RREB1: variants seen among roughly 807,000 people sequenced by gnomAD.
RREB1 encodes ras responsive element binding protein 1.
In RREB1, 27 loss-of-function variants were observed where a neutral mutation model predicts 117.8. That is an observed-to-expected ratio of 0.23 (90% CI 0.17 to 0.32). RREB1 has a LOEUF of 0.32. Ranked by LOEUF, RREB1 falls within the 10% of genes least tolerant of loss-of-function variation. RREB1 has a pLI of 1.00. For missense variants in RREB1, 2,577 were observed against 2,378.2 expected, an observed-to-expected ratio of 1.08 and a Z score of -1.74; for synonymous variants, 1,298 against 1,026.7, an observed-to-expected ratio of 1.26 and a Z score of -5.05.
chr6:7,229,451 A>C lies in RREB1; in HGVS notation c.1352A>C (p.Asp451Ala). ...CAGAAGGGCTTCATCATCCAGCCTG[A>C]CAGCAGCATTGTGGTCAAGCCCATC... ...PFQKGFIIQP[D>A]SSIVVKPISG... Residue 451 changes from aspartate to alanine, a missense_variant, in exon 10 of 13, where the codon GAC becomes GCC. Asp to Ala is a moderately radical substitution (Grantham distance 126). Transcript: ENST00000379938. This position sits in a 1 kb window ranked among gnomAD's most constrained non-coding sequence, Gnocchi z 4.5. 1 of 1,614,136 alleles carries C rather than the reference A, an allele frequency of 6.2e-7. No homozygotes were observed. Among genetic ancestry groups the C allele is most frequent in the Non-Finnish European group, 8.5e-7 (1 of 1,180,012 alleles).
In RREB1 at chr6:7,230,634, G is replaced by C; in HGVS notation, c.2535G>C (p.Gly845=). The change falls in exon 10 of 13, where the codon GGG becomes GGC. Residue 845 remains glycine, a synonymous_variant. Coordinates refer to ENST00000379938, the MANE Select transcript of RREB1 (RefSeq NM_001003699.4). The stretch of plus-strand genomic sequence containing the variant: ...CGGCCGCTGAGGCGTCGGGGCGCGG[G>C]GAGGACAGTGGCTGCGCTGCCCTTG... The part of the protein sequence containing the change: ...EAPAAEASGR[G]EDSGCAALGD... 3 of 1,603,834 alleles carry C rather than the reference G, an allele frequency of 1.9e-6. No homozygotes were observed. The highest frequency in any genetic ancestry group is 2.6e-6 in the Non-Finnish European group (3 of 1,175,680).
chr6:7,191,595 C>T (rs1320619943), intron 6 of RREB1, among the ~76,000 whole-genome samples: 1 of 152,162 alleles, frequency 6.6e-6, no homozygotes, highest in Non-Finnish European at 1.5e-5. Flanking sequence ...AATACTAACT[C>T]GATCTATGAA....
intron 11 of RREB1, among the ~76,000 whole-genome samples, chr6:7,244,013 G>A (rs1206328370): frequency 6.6e-6 from 1 of 152,120 alleles, no homozygotes; most frequent in African/African-American, 2.4e-5. Context: ...TGTAATCCTA[G>A]CCCTTTTAGA....
intron 8 of RREB1, 48 bp downstream of exon 8, chr6:7,211,757 C>A (rs1168825823): frequency 4.4e-6 from 7 of 1,600,726 alleles, no homozygotes; most frequent in Non-Finnish European, 6.0e-6. Flanking sequence ...TTTCTCCTGG[C>A]ATGTGACAAT....
intron 10 of RREB1, among the ~76,000 whole-genome samples, chr6:7,236,749 AT>A (rs1471179686): frequency 1.5e-5 from 2 of 134,420 alleles, no homozygotes; most frequent in Non-Finnish European, 3.2e-5. Context: ...TTTTTTTTTT[AT>A]CTTGGAGGCC....
chr6:7,195,594 A>T (rs1293575798), intron 6 of RREB1, among the ~76,000 whole-genome samples: 1 of 152,248 alleles, frequency 6.6e-6, no homozygotes, highest in Non-Finnish European at 1.5e-5. Flanking sequence ...AAAGGAAATC[A>T]GTCGATCTGT....
intron 1 of RREB1, among the ~76,000 whole-genome samples, chr6:7,151,632 G>A (rs141953419): frequency 1.3e-5 from 2 of 152,354 alleles, no homozygotes; most frequent in Non-Finnish European, 2.9e-5. Context: ...AGTTGGTAGA[G>A]CTTAAAGGGG....
At chr6:7,122,810 G>A (rs1761734020) in intron 1 of RREB1, among the ~76,000 whole-genome samples, 1 of 150,716 alleles carries the variant, frequency 6.6e-6, no homozygotes, top group Non-Finnish European at 1.5e-5. Flanking sequence ...TGAGAAGTGT[G>A]TTATAAATAC....
chr6:7,141,643 T>G (rs1762597216), intron 1 of RREB1, among the ~76,000 whole-genome samples: 1 of 152,236 alleles, frequency 6.6e-6, no homozygotes, highest in Non-Finnish European at 1.5e-5. Flanking sequence ...TAAAAACATG[T>G]AGCAGGGTAT....
At chr6:7,217,850 A>G (rs1257594366) in intron 8 of RREB1, 2 of 152,208 alleles carry the variant, frequency 1.3e-5, no homozygotes, top group Non-Finnish European at 2.9e-5. Flanking sequence ...TCCCATTCCA[A>G]TGGAATTGAA....
At chr6:7,171,688 G>A (rs9505059) in intron 1 of RREB1, among the ~76,000 whole-genome samples, 4,271 of 152,300 alleles carry the variant, frequency 0.028, 192 homozygotes, top group African/African-American at 0.096. Context: ...TAGCCATGAT[G>A]AAGTGTGATG....
At chr6:7,123,432 G>A (rs1761766637) in intron 1 of RREB1, among the ~76,000 whole-genome samples, 1 of 152,120 alleles carries the variant, frequency 6.6e-6, no homozygotes, top group Non-Finnish European at 1.5e-5. Flanking sequence ...GAAGTGCTAG[G>A]ATTACAGGCG....
At chr6:7,211,774 A>C (rs1766622684) in intron 8 of RREB1, 65 bp downstream of exon 8, 1 of 1,544,552 alleles carries the variant, frequency 6.5e-7, no homozygotes, top group Non-Finnish European at 8.9e-7. Flanking sequence ...CAATGTTCTT[A>C]AGTCCCGTTA....
chr6:7,197,657 C>T (rs1235385151), intron 6 of RREB1, among the ~76,000 whole-genome samples: 2 of 152,204 alleles, frequency 1.3e-5, no homozygotes, highest in Non-Finnish European at 2.9e-5. Flanking sequence ...CAAAGCAAGA[C>T]TTTGCCTCAA....
At chr6:7,240,824 C>T (rs1399427813) in intron 11 of RREB1, among the ~76,000 whole-genome samples, 1 of 152,114 alleles carries the variant, frequency 6.6e-6, no homozygotes, top group African/African-American at 2.4e-5. Context: ...AAAACAGTGA[C>T]AGTGCCCCTC....
intron 6 of RREB1, among the ~76,000 whole-genome samples, chr6:7,192,198 G>A (rs1243994210): frequency 3.1e-5 from 3 of 96,816 alleles, no homozygotes; most frequent in African/African-American, 8.0e-5. Flanking sequence ...GTTGTTGTTC[G>A]TTTGTTTTTT....
chr6:7,222,401 C>T (rs1465904507), intron 8 of RREB1, among the ~76,000 whole-genome samples: 3 of 152,034 alleles, frequency 2.0e-5, no homozygotes, highest in African/African-American at 7.3e-5. Flanking sequence ...ATAAGTTGTC[C>T]AAGGTCACGC....
In RREB1 at chr6:7,248,617, C is replaced by G; in HGVS notation, c.4878C>G (p.His1626Gln). 1 of 1,614,246 alleles carries G rather than the reference C, an allele frequency of 6.2e-7. No individual in the cohort carries two copies. The highest frequency in any genetic ancestry group is 8.5e-7 in the Non-Finnish European group (1 of 1,180,050). The change falls in exon 13 of 13, where the codon CAC becomes CAG. Residue 1626 changes from histidine to glutamine, a missense_variant. Physicochemically the swap from His to Gln is conservative, Grantham distance 24. Coordinates refer to ENST00000379938, the MANE Select transcript of RREB1 (RefSeq NM_001003699.4). Reference sequence around the variant, plus strand: ...AGAAAGCCAGGCATGCCAAACACCACGGGAAGGACAGCGACAAGGAAGAGC... The same window carrying G: ...AGAAAGCCAGGCATGCCAAACACCAGGGGAAGGACAGCGACAAGGAAGAGC... ...IHQKARHAKH[H>Q]GKDSDKEERG...
chr6:7,202,392 T>C (rs1367620300), intron 6 of RREB1, among the ~76,000 whole-genome samples: 1 of 152,222 alleles, frequency 6.6e-6, no homozygotes, highest in Non-Finnish European at 1.5e-5. Flanking sequence ...AGTGATCGCC[T>C]TTCAAGCTGA....
Sources: allele counts gnomAD v4.1 joint callset (sites outside exome capture counted in the v4.1 genomes callset), GRCh38; gene constraint gnomAD v4.1.1; non-coding constraint Gnocchi (gnomAD v3.1); transcripts MANE v1.5; gene names NCBI Gene and HGNC (gene_info 2026-07-23, HGNC 2026-07-21).